The following POU2F1 variants were observed in gnomAD, a reference collection of about 807,000 sequenced individuals.
POU2F1 encodes the protein POU class 2 homeobox 1, also known as POU domain, class 2, transcription factor 1.
A neutral mutation model predicts 84.9 loss-of-function variants in POU2F1; 16 were observed. The ratio of observed to expected loss-of-function variants is 0.19; its 90% CI spans 0.13 to 0.29. The LOEUF (loss-of-function observed/expected upper bound fraction) is 0.29, where lower values mean the gene tolerates loss of function less well. Ranked by LOEUF, POU2F1 falls within the 10% of genes least tolerant of loss-of-function variation. POU2F1 has a pLI of 1.00. For missense variants in POU2F1, 738 were observed against 942.6 expected (o/e 0.78, Z 2.84); for synonymous variants, 368 against 368.3 (o/e 1.00, Z 0.01).
At chr1:167,252,282 G>A (rs1238282639) in intron 1 of POU2F1, among the ~76,000 whole-genome samples, 2 of 151,998 alleles carry the variant, frequency 1.3e-5, no homozygotes, top group African/African-American at 2.4e-5. Flanking sequence ...CCTTTAAGAC[G>A]CTTTTACAAA....
chr1:167,287,093 C>G (rs1653582531), intron 1 of POU2F1, among the ~76,000 whole-genome samples: 1 of 152,142 alleles, frequency 6.6e-6, no homozygotes, highest in Non-Finnish European at 1.5e-5. Context: ...AGAGCTGTAA[C>G]TCTTAAAGAC....
intron 1 of POU2F1, among the ~76,000 whole-genome samples, chr1:167,266,209 G>A (rs1402330990): frequency 6.6e-6 from 1 of 152,152 alleles, no homozygotes; most frequent in Non-Finnish European, 1.5e-5. Flanking sequence ...ACATGCCATA[G>A]GTTCTGCCTT....
At position 167,226,506 on chromosome 1, in the gene POU2F1, G is replaced by A. The variant is rs534512247; in HGVS notation, c.61+5548G>A. Among the ~76,000 whole-genome samples the A allele has an allele frequency of 4.7e-4, 72 of 152,294 alleles. 1 individual carries two copies. The highest frequency in any genetic ancestry group is 2.2e-3 in the Admixed American group (33 of 15,294). On this transcript the variant is annotated intron_variant, in intron 1 of 15. Transcript: ENST00000367866. Reference sequence around the variant, plus strand: ...ATAAATTGGTTTGTTTTGTACCGAAGTATTTCTGTGTTCTAAACAGGTGAT... The same window carrying A: ...ATAAATTGGTTTGTTTTGTACCGAAATATTTCTGTGTTCTAAACAGGTGAT...
chr1:167,263,252 G>C (rs1414370013), intron 1 of POU2F1, among the ~76,000 whole-genome samples: 3 of 152,222 alleles, frequency 2.0e-5, no homozygotes, highest in Admixed American at 6.5e-5. Context: ...GAGTGTGGTG[G>C]CTCATGCCTG....
chr1:167,302,255 T>TTTTTTCTTTTC (rs1165492767), intron 1 of POU2F1, among the ~76,000 whole-genome samples: 1 of 151,872 alleles, frequency 6.6e-6, no homozygotes, highest in Non-Finnish European at 1.5e-5. Context: ...GGCTAATTTT[T>TTTTTTCTTTTC]TTTTTCTTTT....
intron 2 of POU2F1, among the ~76,000 whole-genome samples, chr1:167,346,800 T>TA (rs1226285650): frequency 6.6e-6 from 1 of 152,224 alleles, no homozygotes; most frequent in African/African-American, 2.4e-5. Flanking sequence ...CTGCTATAGA[T>TA]ATTCTGTGTC....
Position 167,374,110 on chromosome 1 carries a change from T to C in POU2F1, c.405T>C (p.Leu135=). 6.2e-7 allele frequency: 1 copy of C among 1,614,128 alleles called. No homozygotes were observed. The highest frequency in any genetic ancestry group is 1.3e-5 in the African/African-American group (1 of 75,042). ...LMLAGGQITG[L]TLTPAQQQLL... Reference sequence around the variant, plus strand: ...TAATGTGTTCTGGTTTTGTTTAGCTTACTTTGACGCCTGCCCAGCAACAGT... The same window carrying C: ...TAATGTGTTCTGGTTTTGTTTAGCTCACTTTGACGCCTGCCCAGCAACAGT... Residue 135 remains leucine (L), a splice_region_variant and synonymous_variant, in exon 6 of 16, where the codon CTT becomes CTC. Transcript: ENST00000367866.
chr1:167,344,587 C>T (rs1658067213), intron 2 of POU2F1, among the ~76,000 whole-genome samples: 1 of 152,076 alleles, frequency 6.6e-6, no homozygotes, highest in African/African-American at 2.4e-5. Context: ...GTTGTGTTAC[C>T]TTAGGCAAGT....
chr1:167,228,681 G>T (rs1648823380), intron 1 of POU2F1, among the ~76,000 whole-genome samples: 1 of 152,180 alleles, frequency 6.6e-6, no homozygotes, highest in South Asian at 2.1e-4. Context: ...AATTACGTTT[G>T]CATTTCTTAG....
chr1:167,285,592 C>CAAAA (rs75529481), intron 1 of POU2F1, among the ~76,000 whole-genome samples: 2 of 118,486 alleles, frequency 1.7e-5, no homozygotes, highest in African/African-American at 6.3e-5. Flanking sequence ...GACTCCGTCT[C>CAAAA]AAAAAAAAAA....
chr1:167,260,936 TA>T (rs1176499871), intron 1 of POU2F1, among the ~76,000 whole-genome samples: 1 of 152,204 alleles, frequency 6.6e-6, no homozygotes, highest in Non-Finnish European at 1.5e-5. Context: ...GAATTAACTA[TA>T]TTTTTTTGTT....
chr1:167,427,267 ATATT>A lies in POU2F1; in HGVS notation c.*11458_*11461del, dbSNP rs1230149450. Reference sequence around the variant, plus strand: ...TTGTCTGCTGTAATTTTTTATATATATATTAAACTTACTGTAACTGTACAGTTCA... The same window carrying A: ...TTGTCTGCTGTAATTTTTTATATATAAAACTTACTGTAACTGTACAGTTCA... On this transcript the variant is annotated 3_prime_UTR_variant, in exon 16 of 16. Transcript: ENST00000367866. The A allele has an allele frequency of 4.6e-5, 7 of 152,254 alleles. No individual in the cohort carries two copies. Among genetic ancestry groups the A allele is most frequent in the African/African-American group, 1.2e-4 (5 of 41,530 alleles). The allele number at this position is 152,254 out of a possible 1,614,324, so 9.4% of individuals were successfully genotyped here. A position where few individuals can be genotyped will look rare whatever the true frequency, so the allele number is the denominator to read the frequency against.
chr1:167,294,979 C>T (rs767168239), intron 1 of POU2F1, among the ~76,000 whole-genome samples: 7 of 151,932 alleles, frequency 4.6e-5, no homozygotes, highest in Non-Finnish European at 8.8e-5. Flanking sequence ...ACTAAAAATA[C>T]AAAAATTAGC....
intron 1 of POU2F1, among the ~76,000 whole-genome samples, chr1:167,224,006 T>G (rs1648434916): frequency 6.6e-6 from 1 of 152,194 alleles, no homozygotes. Context: ...CCTTTATAGC[T>G]GCAATTTAAT....
chr1:167,355,572 A>G (rs1658881803), intron 2 of POU2F1, among the ~76,000 whole-genome samples: 1 of 152,264 alleles, frequency 6.6e-6, no homozygotes, highest in Admixed American at 6.5e-5. Flanking sequence ...AGATTTTCAT[A>G]TGAATTTACT....
intron 14 of POU2F1, 61 bp downstream of exon 14, chr1:167,412,365 A>G (rs563515649): frequency 2.2e-6 from 3 of 1,393,694 alleles, no homozygotes; most frequent in South Asian, 2.9e-5. Flanking sequence ...AATTACTCAC[A>G]GGGGAGACTT....
intron 2 of POU2F1, among the ~76,000 whole-genome samples, chr1:167,362,608 C>T (rs1168581504): frequency 6.6e-6 from 1 of 152,166 alleles, no homozygotes; most frequent in Non-Finnish European, 1.5e-5. Context: ...AGCTCCTAGG[C>T]TCAAAGGATC....
At chr1:167,306,970 C>T (rs1472942091) in intron 1 of POU2F1, among the ~76,000 whole-genome samples, 4 of 152,088 alleles carry the variant, frequency 2.6e-5, no homozygotes, top group Admixed American at 6.5e-5. Context: ...AATAGTGTCT[C>T]GTAAGTAGGA....
intron 15 of POU2F1, 115 bp downstream of exon 15, chr1:167,413,229 A>G: frequency 1.1e-6 from 1 of 929,576 alleles, no homozygotes; most frequent in Non-Finnish European, 1.7e-6. Context: ...TGCTAGAGGT[A>G]AAAGTGATGG....
Sources: allele counts gnomAD v4.1 joint callset (sites outside exome capture counted in the v4.1 genomes callset), GRCh38; gene constraint gnomAD v4.1.1; transcripts MANE v1.5; gene names NCBI Gene and HGNC (gene_info 2026-07-23, HGNC 2026-07-21).